The following LRP2 variants were observed in gnomAD, a reference collection of about 807,000 sequenced individuals.
The protein encoded by LRP2 is low-density lipoprotein receptor-related protein 2.
LRP2 carries 172 observed loss-of-function variants against 531.0 expected under a neutral mutation model. The observed-to-expected ratio is 0.32, with a 90% CI of 0.29 to 0.37. The LOEUF is 0.37. LRP2 is among the 10% of genes least tolerant of loss of function. The pLI is 1.00. For synonymous variants in LRP2, 1,992 were observed against 2,027.6 expected (o/e 0.98, Z 0.47); for missense variants, 5,167 against 5,868.3 (o/e 0.88, Z 3.90).
chr2:169,343,143 C>T (rs1449538282), intron 1 of LRP2, among the ~76,000 whole-genome samples: 1 of 152,148 alleles, frequency 6.6e-6, no homozygotes, highest in Non-Finnish European at 1.5e-5. Flanking sequence ...TGCATAAAAC[C>T]AAGTTACAGA....
chr2:169,268,629 A>G (rs1333459087), intron 16 of LRP2, among the ~76,000 whole-genome samples: 1 of 152,200 alleles, frequency 6.6e-6, no homozygotes, highest in Non-Finnish European at 1.5e-5. Flanking sequence ...ATTTATGACA[A>G]ACCCACAGCC....
intron 1 of LRP2, among the ~76,000 whole-genome samples, chr2:169,358,799 C>G (rs1234514199): frequency 6.6e-6 from 1 of 151,562 alleles, no homozygotes; most frequent in Non-Finnish European, 1.5e-5. Context: ...TCAAGACCAG[C>G]CTGGGCAACA....
intron 19 of LRP2, among the ~76,000 whole-genome samples, chr2:169,248,576 C>A (rs1690105705): frequency 6.6e-6 from 1 of 152,198 alleles, no homozygotes. Context: ...TGGTGTTGCA[C>A]AACAAAAGAA....
At chr2:169,166,078 A>C in intron 61 of LRP2, 24 bp from the exon 62 acceptor site, 2 of 1,613,322 alleles carry the variant, frequency 1.2e-6, no homozygotes, top group Non-Finnish European at 1.7e-6. Context: ...TAGAAAAATG[A>C]AATTACAAGT....
At chr2:169,227,738 T>G (rs2105363521) in intron 31 of LRP2, among the ~76,000 whole-genome samples, 1 of 152,228 alleles carries the variant, frequency 6.6e-6, no homozygotes, top group East Asian at 1.9e-4. Flanking sequence ...ATCATTTCTA[T>G]TACTGAGAAA....
At position 169,270,757 on chromosome 2, in the gene LRP2, TATAA is replaced by T. The variant is rs3083194; in HGVS notation, c.2320+143_2320+146del. 0.032 allele frequency: 6,753 copies of T among 212,762 alleles called. 158 individuals carry two copies. Among genetic ancestry groups the T allele is most frequent in the South Asian group, 0.11 (695 of 6,160 alleles). The allele number at this position is 212,762 out of a possible 1,614,324, so 13.2% of individuals were successfully genotyped here. On this transcript the variant is annotated intron_variant, in intron 16 of 78. Transcript: ENST00000649046. ...TACCCTAGAACTTAAAGTAAAATAG[TATAA>T]ATAAATAAATAAATAAATAAATAAA...
chr2:169,308,194 T>A (rs1471436740), intron 3 of LRP2, among the ~76,000 whole-genome samples: 2 of 151,984 alleles, frequency 1.3e-5, no homozygotes, highest in East Asian at 3.8e-4. Flanking sequence ...CTCTCAATTT[T>A]TACAAAACTT....
Position 169,257,181 on chromosome 2 carries a change from A to G in LRP2, c.2582T>C (p.Leu861Pro). 6.2e-7 allele frequency: 1 copy of G among 1,612,860 alleles called. No individual in the cohort carries two copies. Among genetic ancestry groups the G allele is most frequent in the Non-Finnish European group, 8.5e-7 (1 of 1,179,112 alleles). Residue 861 changes from leucine to proline, a missense_variant, in exon 18 of 79, where the codon CTC becomes CCC. Around this residue, in one of 6 missense-constraint regions of LRP2, gnomAD observed 2,811 missense variants for 3,058.0 expected, o/e 0.92. Transcript: ENST00000649046. ...IMRAWSDGSH[L>P]LPVINTTLGW... is the part of the protein sequence containing the mutation. ...AAGAGTAGTGTTTATTACAGGCAAG[A>G]GGTGAGATCCGTCACTCCATGCTCT...
intron 1 of LRP2, among the ~76,000 whole-genome samples, chr2:169,328,441 T>TAAAAAAAA (rs537210492): frequency 1.2e-4 from 6 of 49,082 alleles, no homozygotes; most frequent in East Asian, 6.0e-4. Context: ...CGGGCCGGGA[T>TAAAAAAAA]AAAAAAAAAA....
At chr2:169,284,322 T>C (rs1055627294) in intron 9 of LRP2, among the ~76,000 whole-genome samples, 14 of 132,080 alleles carry the variant, frequency 1.1e-4, no homozygotes, top group African/African-American at 3.7e-4. Context: ...TGGAGTGCAG[T>C]GGCACAGTCT....
intron 1 of LRP2, among the ~76,000 whole-genome samples, chr2:169,356,463 T>G (rs972143796): frequency 1.3e-5 from 2 of 152,210 alleles, no homozygotes; most frequent in African/African-American, 2.4e-5. Flanking sequence ...ACTTCACAGT[T>G]TATTAAACAT....
chr2:169,332,714 T>G (rs13006076), intron 1 of LRP2, among the ~76,000 whole-genome samples: 13,255 of 152,248 alleles, frequency 0.087, 851 homozygotes, highest in South Asian at 0.27. Context: ...AGATCAGGTA[T>G]ATACATATAT....
chr2:169,134,273 C>T (rs1574058659), intron 76 of LRP2, among the ~76,000 whole-genome samples: 2 of 152,170 alleles, frequency 1.3e-5, no homozygotes, highest in South Asian at 2.1e-4. Flanking sequence ...GTTCTCATAA[C>T]TTCCAAAATC....
chr2:169,341,819 T>C (rs1418434640), intron 1 of LRP2, among the ~76,000 whole-genome samples: 1 of 152,176 alleles, frequency 6.6e-6, no homozygotes, highest in Non-Finnish European at 1.5e-5. Context: ...ATAGCTATGG[T>C]GACTATATAT....
chr2:169,200,946 G>A (rs1437267851), intron 44 of LRP2, among the ~76,000 whole-genome samples: 1 of 152,190 alleles, frequency 6.6e-6, no homozygotes, highest in Non-Finnish European at 1.5e-5. Flanking sequence ...AACATCATGT[G>A]CCTCATAAGG....
chr2:169,164,885 A>G (rs1345478694), intron 62 of LRP2, among the ~76,000 whole-genome samples: 2 of 152,212 alleles, frequency 1.3e-5, no homozygotes, highest in East Asian at 3.8e-4. Context: ...CATTTTTAGC[A>G]GGGGAAATGG....
At chr2:169,300,538 T>G (rs949275124) in intron 4 of LRP2, among the ~76,000 whole-genome samples, 1 of 152,104 alleles carries the variant, frequency 6.6e-6, no homozygotes, top group East Asian at 1.9e-4. Context: ...ACGTTAATGC[T>G]AGGAAACTCT....
Position 169,362,367 on chromosome 2 carries a change from C to G in LRP2, c.33G>C (p.Thr11=), listed in dbSNP as rs1183643626. The part of the protein sequence containing the change: MDRGPAAVAC[T]LLLALVACLA... ...GGCAGGCGACGAGAGCCAGGAGCAG[C>G]GTGCACGCCACTGCTGCCGGCCCGC... Residue 11 remains threonine (T), a synonymous_variant, in exon 1 of 79, where the codon ACG becomes ACC. Coordinates refer to ENST00000649046, the MANE Select transcript of LRP2 (RefSeq NM_004525.3). The G allele has an allele frequency of 4.5e-6, 7 of 1,570,598 alleles. No homozygotes were observed. Among genetic ancestry groups the G allele is most frequent in the Non-Finnish European group, 6.0e-6 (7 of 1,159,908 alleles).
Position 169,237,144 on chromosome 2 carries a change from G to GT in LRP2, c.4649dup (p.Asn1550LysfsTer16). On this transcript the variant is annotated frameshift_variant, in exon 28 of 79. Transcript: ENST00000649046. LOFTEE classifies it high-confidence loss of function. ...ATGCTAGTCCTCTTGGATTTGTTAG[G>GT]TTTTTACTAATCAGCACAGTCCTGT... 1 of 1,613,956 alleles carries GT rather than the reference G, an allele frequency of 6.2e-7. No individual in the cohort carries two copies. Among genetic ancestry groups the GT allele is most frequent in the Non-Finnish European group, 8.5e-7 (1 of 1,179,914 alleles).
Sources: allele counts gnomAD v4.1 joint callset (sites outside exome capture counted in the v4.1 genomes callset), GRCh38; gene constraint gnomAD v4.1.1; regional missense constraint gnomAD v4.1.1; transcripts MANE v1.5; gene names NCBI Gene and HGNC (gene_info 2026-07-23, HGNC 2026-07-21).